Variants in AIG1 observed in about 807,000 individuals in gnomAD.
AIG1 encodes the protein androgen-induced gene 1 protein.
Under a neutral mutation model 31.4 loss-of-function variants are expected in AIG1, and 23 were observed. The observed-to-expected ratio is 0.73, with a 90% confidence interval of 0.53 to 1.04. The LOEUF is 1.04. AIG1 is among the 50% of genes least tolerant of loss of function. The pLI is 0.00. For synonymous variants in AIG1, 100 were observed against 110.5 expected (o/e 0.90, Z 0.60); for missense variants, 274 against 295.0 (o/e 0.93, Z 0.52).
chr6:143,326,324 G>A lies in AIG1; in HGVS notation c.516-6958G>A, dbSNP rs1255862735. On this transcript the variant is annotated intron_variant, in intron 4 of 5. Transcript: ENST00000357847. The surrounding 1 kb of genome is among the most constrained non-coding windows in gnomAD (Gnocchi z 4.5). ...GTTCTCTTCTTGAACTTCTGGGAGCGTTCTCTTGTTCTCAGTTCTTTAGAC... is the reference window on the plus strand; with the variant it reads ...GTTCTCTTCTTGAACTTCTGGGAGCATTCTCTTGTTCTCAGTTCTTTAGAC... 2.0e-5 allele frequency among the ~76,000 whole-genome samples: 3 copies of A among 152,114 alleles called. No individual in the cohort carries two copies. The highest frequency in any genetic ancestry group is 2.9e-5 in the Non-Finnish European group (2 of 68,026).
chr6:143,152,336 T>C (rs1337903962), intron 2 of AIG1, among the ~76,000 whole-genome samples: 1 of 152,226 alleles, frequency 6.6e-6, no homozygotes, highest in Non-Finnish European at 1.5e-5. Context: ...TGAATATTCA[T>C]ATTAATGTAA....
intron 1 of AIG1, among the ~76,000 whole-genome samples, chr6:143,109,689 C>T (rs371852254): frequency 3.3e-5 from 5 of 151,828 alleles, no homozygotes; most frequent in Admixed American, 6.6e-5. Context: ...TTTTTAATGA[C>T]GTGTGTGTTA....
Position 143,284,159 on chromosome 6 carries a change from A to G in AIG1, c.449A>G (p.His150Arg), listed in dbSNP as rs1170739881. ...TTAATCGAGATGAGGACATCGCACC[A>G]TCAGTATCCCAGCAGGAGCAGCGGA... ...FILIEMRTSH[H>R]QYPSRSSGLT... is the part of the protein sequence containing the mutation. Residue 150 changes from histidine (H) to arginine (R), a missense_variant, in exon 4 of 6, where the codon CAT becomes CGT. Coordinates refer to ENST00000357847, the MANE Select transcript of AIG1 (RefSeq NM_016108.4). The surrounding 1 kb of genome is among the most constrained non-coding windows in gnomAD (Gnocchi z 4.4). 1 of 1,614,002 alleles carries G rather than the reference A, an allele frequency of 6.2e-7. No homozygotes were observed. The highest frequency in any genetic ancestry group is 8.5e-7 in the Non-Finnish European group (1 of 1,179,998).
At chr6:143,267,405 G>C (rs1474543320) in intron 3 of AIG1, among the ~76,000 whole-genome samples, 3 of 152,102 alleles carry the variant, frequency 2.0e-5, no homozygotes, top group African/African-American at 7.2e-5. Flanking sequence ...TAATCCATAA[G>C]CTGCCTATCC....
At chr6:143,081,366 G>A (rs1439640092) in intron 1 of AIG1, among the ~76,000 whole-genome samples, 1 of 151,960 alleles carries the variant, frequency 6.6e-6, no homozygotes, top group African/African-American at 2.4e-5. Context: ...TCCGAATCTG[G>A]GAATTATTTC....
chr6:143,311,086 C>G (rs1775233709), intron 4 of AIG1, among the ~76,000 whole-genome samples: 1 of 151,928 alleles, frequency 6.6e-6, no homozygotes, highest in Non-Finnish European at 1.5e-5. Context: ...TACCTCCTAA[C>G]TCATTCTCTG....
rs140709933 is a variant in AIG1, at chr6:143,272,790, G to C, written c.400-11320G>C. 8.6e-4 allele frequency among the ~76,000 whole-genome samples: 131 copies of C among 152,136 alleles called. 3 individuals are homozygous for C. The East Asian group carries it at 0.024, about 28-fold the overall frequency. On this transcript the variant is annotated intron_variant, in intron 3 of 5. Coordinates refer to ENST00000357847, the MANE Select transcript of AIG1 (RefSeq NM_016108.4). The stretch of plus-strand genomic sequence containing the variant: ...AAAGTAGGTTGAATCACATAGTAAG[G>C]GCCTTTGAAGGCAATGCCAAGAAAC...
chr6:143,138,140 G>C (rs577405123), intron 2 of AIG1, among the ~76,000 whole-genome samples: 55 of 152,314 alleles, frequency 3.6e-4, no homozygotes, highest in African/African-American at 1.3e-3. Flanking sequence ...ACAATGGCCA[G>C]AGAGCATTAT....
intron 1 of AIG1, among the ~76,000 whole-genome samples, chr6:143,103,529 A>G (rs1375476276): frequency 1.0e-4 from 11 of 109,630 alleles, no homozygotes; most frequent in African/African-American, 4.1e-4. Context: ...TTTTTTTGAG[A>G]CGGAGTCTCG....
chr6:143,234,846 C>T (rs1039397196), intron 3 of AIG1, among the ~76,000 whole-genome samples: 13 of 152,170 alleles, frequency 8.5e-5, no homozygotes, highest in African/African-American at 3.1e-4. Flanking sequence ...TTTCATGACT[C>T]ATGGTGGATA....
chr6:143,111,331 G>T (rs1781261125), intron 1 of AIG1, among the ~76,000 whole-genome samples: 1 of 152,170 alleles, frequency 6.6e-6, no homozygotes, highest in South Asian at 2.1e-4. Context: ...CAGTAAAGAA[G>T]TTTTCTTCAA....
At chr6:143,061,227 A>C in intron 1 of AIG1, 161 bp downstream of exon 1, 1 of 899,186 alleles carries the variant, frequency 1.1e-6, no homozygotes. Flanking sequence ...TTGCGTGTGA[A>C]GGCCTGGCTG....
chr6:143,332,635 G>T (rs752900579), intron 4 of AIG1, among the ~76,000 whole-genome samples: 1 of 152,236 alleles, frequency 6.6e-6, no homozygotes, highest in African/African-American at 2.4e-5. Context: ...ATATGGCAAG[G>T]TATCTGGCAC....
intron 2 of AIG1, among the ~76,000 whole-genome samples, chr6:143,162,543 T>C (rs1202549731): frequency 1.3e-5 from 2 of 152,214 alleles, no homozygotes; most frequent in Non-Finnish European, 2.9e-5. Context: ...TACAATCCCC[T>C]TCTGTAGAGT....
chr6:143,243,105 T>G (rs1222881133), intron 3 of AIG1, among the ~76,000 whole-genome samples: 2 of 152,184 alleles, frequency 1.3e-5, no homozygotes, highest in African/African-American at 4.8e-5. Context: ...TTTTTCATAC[T>G]CCACAAGGCT....
intron 1 of AIG1, among the ~76,000 whole-genome samples, chr6:143,087,039 A>G (rs1357411271): frequency 6.6e-6 from 1 of 152,186 alleles, no homozygotes; most frequent in Non-Finnish European, 1.5e-5. Context: ...TTTCCCAGGA[A>G]GCCTCACACC....
intron 3 of AIG1, among the ~76,000 whole-genome samples, chr6:143,225,039 C>T (rs536150377): frequency 1.3e-5 from 2 of 152,252 alleles, no homozygotes; most frequent in South Asian, 4.1e-4. Context: ...AGCTTTCCTC[C>T]GACTTAATTC....
At chr6:143,242,607 C>T (rs747806407) in intron 3 of AIG1, among the ~76,000 whole-genome samples, 2 of 152,156 alleles carry the variant, frequency 1.3e-5, no homozygotes, top group South Asian at 2.1e-4. Flanking sequence ...GATGCAGCCA[C>T]GTTGTTAGAG....
chr6:143,147,924 C>T (rs1189207204), intron 2 of AIG1, among the ~76,000 whole-genome samples: 3 of 152,236 alleles, frequency 2.0e-5, no homozygotes, highest in South Asian at 2.1e-4. Context: ...TATACTGGAA[C>T]GATTTATTTA....
Sources: gnomAD v4.1 joint callset for allele counts (sites outside exome capture counted in the v4.1 genomes callset) on GRCh38, gnomAD v4.1.1 for gene constraint, Gnocchi (gnomAD v3.1) non-coding constraint, MANE v1.5 for transcripts, NCBI Gene and HGNC (gene_info 2026-07-23, HGNC 2026-07-21) for gene names.